The following SLC17A7 variants were observed in gnomAD, a reference collection of about 807,000 sequenced individuals.
SLC17A7 encodes the protein vesicular glutamate transporter 1.
In SLC17A7, 15 loss-of-function variants were observed where a neutral mutation model predicts 59.1. The observed-to-expected ratio is 0.25, with a 90% CI of 0.17 to 0.39. SLC17A7 has a LOEUF of 0.39. SLC17A7 is among the 10% of genes least tolerant of loss of function. The probability of loss-of-function intolerance (pLI) is 1.00; values close to 1 mark genes in which losing one functional copy is unlikely to be tolerated. For missense variants in SLC17A7, 499 were observed against 765.1 expected, an observed-to-expected ratio of 0.65 and a Z score of 4.10; for synonymous variants, 353 against 308.9, an observed-to-expected ratio of 1.14 and a Z score of -1.50.
chr19:49,433,081 C>T lies in SLC17A7; in HGVS notation c.868-121G>A. ...AAGGATCCCGACCGCACTGAAACTT[C>T]TATGGACCCAAAGGCGCGGGCTACA... On this transcript the variant is annotated intron_variant, in intron 7 of 11. Transcript: ENST00000221485. This position sits in a 1 kb window ranked among gnomAD's most constrained non-coding sequence, Gnocchi z 5.7. 4.5e-6 allele frequency: 5 copies of T among 1,106,170 alleles called. No individual in the cohort carries two copies. Among genetic ancestry groups the T allele is most frequent in the Non-Finnish European group, 5.2e-6 (4 of 775,786 alleles). The allele number at this position is 1,106,170 out of a possible 1,614,324, so 68.5% of individuals were successfully genotyped here.
chr19:49,431,811 T>G lies in SLC17A7; in HGVS notation c.1151-363A>C, dbSNP rs1309463297. 2.0e-5 allele frequency among the ~76,000 whole-genome samples: 3 copies of G among 151,896 alleles called. No individual in the cohort carries two copies. Among genetic ancestry groups the G allele is most frequent in the Non-Finnish European group, 4.4e-5 (3 of 67,938 alleles). On this transcript the variant is annotated intron_variant, in intron 9 of 11. Transcript: ENST00000221485. This position sits in a 1 kb window ranked among gnomAD's most constrained non-coding sequence, Gnocchi z 4.6. ...TTTTTTTTTTTAATTTTTGATTTTT[T>G]ATTTTTTTTAAGAGACAAAGTCTCA...
intron 2 of SLC17A7, 170 bp from the exon 3 acceptor site, chr19:49,435,456 A>G (rs1005146694): frequency 1.7e-6 from 1 of 598,144 alleles, no homozygotes; most frequent in Non-Finnish European, 3.0e-6. Flanking sequence ...TAAAGTCTAC[A>G]AACTCCGCTC....
intron 11 of SLC17A7, 96 bp downstream of exon 11, chr19:49,430,919 G>T (rs892589458): frequency 1.9e-6 from 3 of 1,551,294 alleles, no homozygotes; most frequent in Admixed American, 1.8e-5. Context: ...AGGCTGAAAA[G>T]GCAGGGATGG....
Position 49,433,876 on chromosome 19 carries a change from G to A in SLC17A7, c.725-8C>T. The A allele has an allele frequency of 6.2e-7, 1 of 1,611,268 alleles. No homozygotes were observed. Among genetic ancestry groups the A allele is most frequent in the Non-Finnish European group, 8.5e-7 (1 of 1,178,066 alleles). On this transcript the variant is annotated splice_polypyrimidine_tract_variant and splice_region_variant and intron_variant, in intron 6 of 11. Transcript: ENST00000221485. This position sits in a 1 kb window ranked among gnomAD's most constrained non-coding sequence, Gnocchi z 5.7. ...AGAAGATCCCGAAGCTGCCTGGGGG[G>A]GTCAGGAGGGGGATGGGAGCGAGGT...
intron 2 of SLC17A7, chr19:49,435,561 A>C: frequency 2.8e-6 from 1 of 356,166 alleles, no homozygotes; most frequent in Non-Finnish European, 5.2e-6. Context: ...ATGAAAGCCT[A>C]GGGGCCCATG....
intron 9 of SLC17A7, 39 bp downstream of exon 9, chr19:49,432,480 A>G: frequency 6.3e-7 from 1 of 1,597,978 alleles, no homozygotes. Flanking sequence ...TGCTCCACCC[A>G]GGCTGTCCTA....
At chr19:49,434,111 C>G in intron 5 of SLC17A7, 65 bp from the exon 6 acceptor site, 1 of 1,027,436 alleles carries the variant, frequency 9.7e-7, no homozygotes, top group South Asian at 1.3e-5. Context: ...GTGCGGACCC[C>G]CACCGCTTCC....
Position 49,430,823 on chromosome 19 carries a change from C to A in SLC17A7, c.1390-11G>T. On this transcript the variant is annotated splice_polypyrimidine_tract_variant and intron_variant, in intron 11 of 11. Coordinates refer to ENST00000221485, the MANE Select transcript of SLC17A7 (RefSeq NM_020309.4). ...CCACTCCTCCCGAGTCTGCAGGGGACAATAGGGCTGAGGTCAAATGGGAGG... is the reference window on the plus strand; with the variant it reads ...CCACTCCTCCCGAGTCTGCAGGGGAAAATAGGGCTGAGGTCAAATGGGAGG... 6.3e-7 allele frequency: 1 copy of A among 1,598,174 alleles called. No homozygotes were observed. The highest frequency in any genetic ancestry group is 8.5e-7 in the Non-Finnish European group (1 of 1,170,670).
At chr19:49,432,198 C>T (rs992608496) in intron 9 of SLC17A7, among the ~76,000 whole-genome samples, 4 of 152,222 alleles carry the variant, frequency 2.6e-5, no homozygotes, top group African/African-American at 9.6e-5. Context: ...CTCTTCATCA[C>T]CTAGTTCATG....
chr19:49,441,413 T>G lies in SLC17A7; in HGVS notation c.-34A>C. On this transcript the variant is annotated 5_prime_UTR_variant, in exon 1 of 12. Coordinates refer to ENST00000221485, the MANE Select transcript of SLC17A7 (RefSeq NM_020309.4). The stretch of plus-strand genomic sequence containing the variant: ...CTCCTGCCGCCGGTCACCCCGCGGG[T>G]CCCCCCCGCCGATCCCCCCGCCCGC... 2.1e-6 allele frequency: 3 copies of G among 1,434,098 alleles called. No individual in the cohort carries two copies. The highest frequency in any genetic ancestry group is 1.8e-6 in the Non-Finnish European group (2 of 1,094,058). The allele number at this position is 1,434,098 out of a possible 1,614,324, so 88.8% of individuals were successfully genotyped here. A position where few individuals can be genotyped will look rare whatever the true frequency, so the allele number is the denominator to read the frequency against.
intron 7 of SLC17A7, 31 bp from the exon 8 acceptor site, chr19:49,432,991 G>A: frequency 1.3e-6 from 2 of 1,589,716 alleles, no homozygotes; most frequent in Non-Finnish European, 1.7e-6. Context: ...CCGCTAAGAC[G>A]GGGAGCGGGG....
chr19:49,433,932 C>G lies in SLC17A7; in HGVS notation c.724+28G>C. 1 of 1,613,460 alleles carries G rather than the reference C, an allele frequency of 6.2e-7. No homozygotes were observed. Among genetic ancestry groups the G allele is most frequent in the Non-Finnish European group, 8.5e-7 (1 of 1,179,800 alleles). ...CCGGCCCCGCTCCGCCCCAGCGCCA[C>G]CCGGAACCAGGCATCCGGGTCCCTC... is the stretch of plus-strand genomic sequence containing the variant. On this transcript the variant is annotated intron_variant, in intron 6 of 11. Coordinates refer to ENST00000221485, the MANE Select transcript of SLC17A7 (RefSeq NM_020309.4). This position sits in a 1 kb window ranked among gnomAD's most constrained non-coding sequence, Gnocchi z 5.7.
chr19:49,430,975 C>A (rs1441917677), intron 11 of SLC17A7, 40 bp downstream of exon 11: 2 of 1,581,218 alleles, frequency 1.3e-6, no homozygotes, highest in Non-Finnish European at 8.6e-7. Flanking sequence ...GTACGAAGCA[C>A]ACACTTGGAG....
At chr19:49,435,687 C>G (rs1314018634) in intron 2 of SLC17A7, 1 of 164,784 alleles carries the variant, frequency 6.1e-6, no homozygotes, top group Non-Finnish European at 1.3e-5. Context: ...TGGAAGGGAG[C>G]AAGGGGAGGA....
At chr19:49,432,463 C>A in intron 9 of SLC17A7, 56 bp downstream of exon 9, 1 of 1,571,824 alleles carries the variant, frequency 6.4e-7, no homozygotes, top group East Asian at 2.3e-5. Flanking sequence ...ACCTCTCAAT[C>A]CGGCTCTGCT....
At position 49,431,292 on chromosome 19, in the gene SLC17A7, A is replaced by G; in HGVS notation, c.1261+46T>C. ...CCGTTCCTGAGCCAGGAAGTTCCCT[A>G]CAGAGCTGACCAGAGTCCCCCAAGC... On this transcript the variant is annotated intron_variant, in intron 10 of 11. Coordinates refer to ENST00000221485, the MANE Select transcript of SLC17A7 (RefSeq NM_020309.4). The surrounding 1 kb of genome is among the most constrained non-coding windows in gnomAD (Gnocchi z 4.6). 2.5e-6 allele frequency: 4 copies of G among 1,605,180 alleles called. No individual in the cohort carries two copies. Among genetic ancestry groups the G allele is most frequent in the Non-Finnish European group, 3.4e-6 (4 of 1,173,536 alleles).
Position 49,430,815 on chromosome 19 carries a change from G to A in SLC17A7, c.1390-3C>T. ...ACGTACTGCCACTCCTCCCGAGTCTGCAGGGGACAATAGGGCTGAGGTCAA... is the reference window on the plus strand; with the variant it reads ...ACGTACTGCCACTCCTCCCGAGTCTACAGGGGACAATAGGGCTGAGGTCAA... On this transcript the variant is annotated splice_polypyrimidine_tract_variant and splice_region_variant and intron_variant, in intron 11 of 11. Coordinates refer to ENST00000221485, the MANE Select transcript of SLC17A7 (RefSeq NM_020309.4). 1 of 1,605,634 alleles carries A rather than the reference G, an allele frequency of 6.2e-7. No homozygotes were observed. The highest frequency in any genetic ancestry group is 8.5e-7 in the Non-Finnish European group (1 of 1,175,038).
Position 49,429,939 on chromosome 19 carries a change from G to A in SLC17A7, c.*580C>T, listed in dbSNP as rs2078951375. On this transcript the variant is annotated 3_prime_UTR_variant, in exon 12 of 12. Coordinates refer to ENST00000221485, the MANE Select transcript of SLC17A7 (RefSeq NM_020309.4). ...TTTCGCAGAATCTGCTGGTAGGGGA[G>A]ATGTGAAGTGGGCACGGAATCGGGG... 1 of 204,772 alleles carries A rather than the reference G, an allele frequency of 4.9e-6. No individual in the cohort carries two copies. The highest frequency in any genetic ancestry group is 6.0e-5 in the Admixed American group (1 of 16,760). The allele number at this position is 204,772 out of a possible 1,614,324, so 12.7% of individuals were successfully genotyped here.
chr19:49,432,265 T>C (rs3745310), intron 9 of SLC17A7, among the ~76,000 whole-genome samples: 7,012 of 152,270 alleles, frequency 0.046, 429 homozygotes, highest in East Asian at 0.13. Context: ...CTCGGTCTTC[T>C]CTCTGCTCCA....
Sources: allele counts gnomAD v4.1 joint callset (sites outside exome capture counted in the v4.1 genomes callset), GRCh38; gene constraint gnomAD v4.1.1; non-coding constraint Gnocchi (gnomAD v3.1); transcripts MANE v1.5; gene names NCBI Gene and HGNC (gene_info 2026-07-23, HGNC 2026-07-21).